The following LRMDA variants were observed in gnomAD, a reference collection of about 807,000 sequenced individuals.
LRMDA encodes leucine rich melanocyte differentiation associated, also known as leucine-rich melanocyte differentiation-associated protein.
A neutral mutation model predicts 29.8 loss-of-function variants in LRMDA; 18 were observed. That is an observed-to-expected ratio of 0.60 (90% CI 0.42 to 0.90). The LOEUF is 0.90. LRMDA is among the 40% of genes least tolerant of loss of function. LRMDA has a pLI of 0.00. For missense variants in LRMDA, 273 were observed against 273.9 expected (o/e 1.00, Z 0.02); for synonymous variants, 125 against 109.4 (o/e 1.14, Z -0.89).
intron 5 of LRMDA, among the ~76,000 whole-genome samples, chr10:76,203,133 G>A (rs1239055913): frequency 6.6e-6 from 1 of 152,198 alleles, no homozygotes; most frequent in Non-Finnish European, 1.5e-5. Context: ...TGTGGAGACA[G>A]TGGGATCCAT....
At chr10:75,675,093 GTCT>G (rs761419866) in intron 2 of LRMDA, among the ~76,000 whole-genome samples, 23 of 152,298 alleles carry the variant, frequency 1.5e-4, no homozygotes, top group Admixed American at 6.5e-4. Context: ...GTGGGATCAT[GTCT>G]TCTTCTTGTT....
chr10:75,700,847 G>A (rs1440703817), intron 2 of LRMDA, among the ~76,000 whole-genome samples: 1 of 152,162 alleles, frequency 6.6e-6, no homozygotes, highest in Non-Finnish European at 1.5e-5. Context: ...GCCCAGGGAA[G>A]CATGGCTGAT....
At chr10:76,132,732 TAGAGAGTGAAACTTAC>T (rs1850015576) in intron 5 of LRMDA, among the ~76,000 whole-genome samples, 1 of 152,130 alleles carries the variant, frequency 6.6e-6, no homozygotes, top group African/African-American at 2.4e-5. Flanking sequence ...TGGAGTCCAC[TAGAGAGTGAAACTTAC>T]AGAGTCTTGA....
chr10:76,342,799 A>G (rs1841057323), intron 6 of LRMDA, among the ~76,000 whole-genome samples: 1 of 152,196 alleles, frequency 6.6e-6, no homozygotes, highest in Admixed American at 6.5e-5. Flanking sequence ...ACCCCAGAAG[A>G]GATAGAAGAT....
intron 6 of LRMDA, among the ~76,000 whole-genome samples, chr10:76,411,512 A>C (rs895960273): frequency 6.6e-6 from 1 of 152,194 alleles, no homozygotes; most frequent in Non-Finnish European, 1.5e-5. Flanking sequence ...TATTTCCCTA[A>C]AGGGACAGTC....
intron 2 of LRMDA, among the ~76,000 whole-genome samples, chr10:75,952,824 G>A (rs968575222): frequency 6.6e-6 from 1 of 151,860 alleles, no homozygotes; most frequent in Non-Finnish European, 1.5e-5. Context: ...TGGTGCTCTC[G>A]GCTCACTGCA....
chr10:76,555,728 C>T (rs1843547818), intron 6 of LRMDA, among the ~76,000 whole-genome samples: 1 of 145,420 alleles, frequency 6.9e-6, no homozygotes, highest in African/African-American at 2.5e-5. Context: ...ATGTGAAGAA[C>T]CTGGTTAATT....
chr10:75,579,615 CA>C (rs1422819417), intron 2 of LRMDA, among the ~76,000 whole-genome samples: 1 of 151,942 alleles, frequency 6.6e-6, no homozygotes, highest in Admixed American at 6.6e-5. Flanking sequence ...AGAGACACAA[CA>C]AAAAAAGAAA....
intron 2 of LRMDA, among the ~76,000 whole-genome samples, chr10:75,670,490 G>T (rs561035318): frequency 6.6e-6 from 1 of 152,122 alleles, no homozygotes; most frequent in Non-Finnish European, 1.5e-5. Flanking sequence ...AAATTGTGAG[G>T]CATGAAGAAA....
chr10:76,536,794 T>C (rs1219063673), intron 6 of LRMDA, among the ~76,000 whole-genome samples: 2 of 152,168 alleles, frequency 1.3e-5, no homozygotes, highest in African/African-American at 4.8e-5. Flanking sequence ...CTCTAAAGGC[T>C]ATGTTCCCCT....
intron 5 of LRMDA, among the ~76,000 whole-genome samples, chr10:76,248,284 T>A (rs1451623468): frequency 1.3e-5 from 2 of 152,138 alleles, no homozygotes. Context: ...CCAAGAATGA[T>A]CAAGTCTGAA....
intron 5 of LRMDA, among the ~76,000 whole-genome samples, chr10:76,231,394 T>G (rs184978700): frequency 6.6e-6 from 1 of 152,350 alleles, no homozygotes; most frequent in African/African-American, 2.4e-5. Flanking sequence ...GCTAGAAGAT[T>G]GCTTTGTTGA....
chr10:76,424,381 AC>A (rs781076119), intron 6 of LRMDA, among the ~76,000 whole-genome samples: 3 of 152,074 alleles, frequency 2.0e-5, no homozygotes. Context: ...TACAAAAAAA[AC>A]AAAAAAATTA....
intron 2 of LRMDA, among the ~76,000 whole-genome samples, chr10:75,714,686 A>G (rs903866206): frequency 5.9e-5 from 9 of 152,172 alleles, no homozygotes; most frequent in African/African-American, 1.4e-4. Flanking sequence ...TTTTTTTCCT[A>G]TATAAATGTA....
In LRMDA at chr10:75,810,894, C is replaced by T. The variant is rs141593935; in HGVS notation, c.132-225114C>T. Among the ~76,000 whole-genome samples, 169 of 152,258 alleles carry T rather than the reference C, an allele frequency of 1.1e-3. 2 individuals carry two copies. The highest frequency in any genetic ancestry group is 6.8e-3 in the Middle Eastern group (2 of 294). On this transcript the variant is annotated intron_variant, in intron 2 of 6. Transcript: ENST00000611255. ...ACCCTGTTTAAAACTTGCAAACATC[C>T]TGTAAAGAATGTACTATTGTATTCA...
At chr10:76,254,338 A>ACCATACCATACCATC (rs1564701481) in intron 5 of LRMDA, among the ~76,000 whole-genome samples, 10 of 91,198 alleles carry the variant, frequency 1.1e-4, no homozygotes, top group Admixed American at 3.7e-4. Context: ...ACCATACCAT[A>ACCATACCATACCATC]CCATCCTATC....
At chr10:76,040,620 C>T (rs539300195) in intron 3 of LRMDA, among the ~76,000 whole-genome samples, 70 of 152,224 alleles carry the variant, frequency 4.6e-4, no homozygotes, top group African/African-American at 1.6e-3. Context: ...CACGCCATCC[C>T]CAACTCTTCC....
intron 6 of LRMDA, among the ~76,000 whole-genome samples, chr10:76,551,976 G>A (rs1843501540): frequency 6.6e-6 from 1 of 152,144 alleles, no homozygotes. Flanking sequence ...CATCCTAGGG[G>A]TAATTATAAA....
rs571719952 is a variant in LRMDA at position 76,144,452 on chromosome 10, C to A, written c.516+85669C>A. 1.1e-3 allele frequency among the ~76,000 whole-genome samples: 160 copies of A among 152,184 alleles called. 1 individual carries two copies. The highest frequency in any genetic ancestry group is 3.7e-3 in the African/African-American group (153 of 41,540). ...CCTAGGTATTTTATTCTCTTTGAAACAATTGTGAATGGGAGTTCACTCATG... is the reference window on the plus strand; with the variant it reads ...CCTAGGTATTTTATTCTCTTTGAAAAAATTGTGAATGGGAGTTCACTCATG... On this transcript the variant is annotated intron_variant, in intron 5 of 6. Transcript: ENST00000611255.
Sources: allele counts gnomAD v4.1 joint callset (sites outside exome capture counted in the v4.1 genomes callset), GRCh38; gene constraint gnomAD v4.1.1; transcripts MANE v1.5; gene names NCBI Gene and HGNC (gene_info 2026-07-23, HGNC 2026-07-21).